The following NTRK2 variants were observed in gnomAD, a reference collection of about 807,000 sequenced individuals.
The protein encoded by NTRK2 is neurotrophic receptor tyrosine kinase 2.
In NTRK2, 13 loss-of-function variants were observed where a neutral mutation model predicts 94.5. The observed-to-expected ratio is 0.14, with a 90% CI of 0.09 to 0.22. NTRK2 has a LOEUF of 0.22. NTRK2 is among the 10% of genes least tolerant of loss of function. The probability of loss-of-function intolerance (pLI) is 1.00; values close to 1 mark genes in which losing one functional copy is unlikely to be tolerated. For synonymous variants in NTRK2, 372 were observed against 407.4 expected (o/e 0.91, Z 1.05); for missense variants, 639 against 1,071.2 (o/e 0.60, Z 5.63).
At chr9:84,721,253 G>T (rs1407526515) in intron 6 of NTRK2, among the ~76,000 whole-genome samples, 2 of 151,352 alleles carry the variant, frequency 1.3e-5, no homozygotes, top group Non-Finnish European at 2.9e-5. Flanking sequence ...TTGGCTCACT[G>T]CAAGCTCCGC....
At chr9:84,918,824 C>T (rs927517539) in intron 14 of NTRK2, among the ~76,000 whole-genome samples, 1 of 152,162 alleles carries the variant, frequency 6.6e-6, no homozygotes, top group Admixed American at 6.5e-5. Flanking sequence ...TAATCTAGAA[C>T]TTCATGATAA....
intron 12 of NTRK2, among the ~76,000 whole-genome samples, chr9:84,827,115 T>C (rs568396755): frequency 1.3e-5 from 2 of 152,354 alleles, no homozygotes; most frequent in South Asian, 4.1e-4. Context: ...TTCACTTCAA[T>C]GGTCCACATA....
At position 84,708,480 on chromosome 9, in the gene NTRK2, T is replaced by C. The variant is rs960040113; in HGVS notation, c.428+568T>C. On this transcript the variant is annotated intron_variant, in intron 5 of 18. Coordinates refer to ENST00000277120, the MANE Select transcript of NTRK2 (RefSeq NM_006180.6). Reference sequence around the variant, plus strand: ...CCCATTTTCTTCTGTTGTAAAATGATAGAAAACGTATTGAAAGGTGTTGAT... The same window carrying C: ...CCCATTTTCTTCTGTTGTAAAATGACAGAAAACGTATTGAAAGGTGTTGAT... 6.2e-4 allele frequency among the ~76,000 whole-genome samples: 94 copies of C among 152,330 alleles called. 1 individual carries two copies. Among genetic ancestry groups the C allele is most frequent in the Non-Finnish European group, 7.4e-5 (5 of 68,024 alleles).
At position 85,021,462 on chromosome 9, in the gene NTRK2, T is replaced by C; in HGVS notation, c.*25T>C. On this transcript the variant is annotated 3_prime_UTR_variant, in exon 19 of 19. Transcript: ENST00000277120. ...GGGCCCTTTTCCCCAGACCGATCCT[T>C]CCCAACGTACTCCTCAGACGGGCTG... is the stretch of plus-strand genomic sequence containing the variant. 11 of 1,612,000 alleles carry C rather than the reference T, an allele frequency of 6.8e-6. No individual in the cohort carries two copies. Among genetic ancestry groups the C allele is most frequent in the Non-Finnish European group, 9.3e-6 (11 of 1,178,130 alleles).
intron 14 of NTRK2, among the ~76,000 whole-genome samples, chr9:84,899,693 C>T (rs1170701025): frequency 3.3e-5 from 5 of 152,048 alleles, no homozygotes; most frequent in Non-Finnish European, 7.3e-5. Context: ...TCCTGTTGTT[C>T]ATATTGGGGT....
At chr9:84,923,216 G>T (rs1046531478) in intron 14 of NTRK2, among the ~76,000 whole-genome samples, 3 of 152,112 alleles carry the variant, frequency 2.0e-5, no homozygotes, top group Admixed American at 6.5e-5. Context: ...TTGAGCACTT[G>T]CTCCTTCCTC....
chr9:84,952,207 G>C (rs954527423), intron 16 of NTRK2, among the ~76,000 whole-genome samples: 1 of 152,212 alleles, frequency 6.6e-6, no homozygotes, highest in South Asian at 2.1e-4. Flanking sequence ...ACAGAGCTGA[G>C]ATTCAAACCT....
chr9:84,958,078 G>A (rs546955339), intron 17 of NTRK2, among the ~76,000 whole-genome samples: 4 of 152,198 alleles, frequency 2.6e-5, no homozygotes, highest in Middle Eastern at 3.4e-3. Context: ...AATGGTTACC[G>A]GGAGATGGGG....
In NTRK2 at chr9:84,934,388, G is replaced by A. The variant is rs2078143398; in HGVS notation, c.1764+96G>A. On this transcript the variant is annotated intron_variant, in intron 15 of 18. Transcript: ENST00000277120. ...TTATATTTTGGTGGCCAATGCAGGA[G>A]TAAATTGTTCCTGCTATGATGGATG... is the stretch of plus-strand genomic sequence containing the variant. 9.8e-6 allele frequency: 13 copies of A among 1,320,112 alleles called. No homozygotes were observed. The East Asian group carries it at 3.1e-4, about 32-fold the overall frequency. The allele number at this position is 1,320,112 out of a possible 1,614,324, so 81.8% of individuals were successfully genotyped here.
At chr9:85,018,017 AT>A (rs370393123) in intron 17 of NTRK2, among the ~76,000 whole-genome samples, 51 of 150,286 alleles carry the variant, frequency 3.4e-4, no homozygotes, top group African/African-American at 1.0e-3. Flanking sequence ...CATCTTACCC[AT>A]TTTTTTTTGC....
At chr9:84,815,990 T>TAAAAAAAA (rs34917078) in intron 12 of NTRK2, among the ~76,000 whole-genome samples, 1 of 139,138 alleles carries the variant, frequency 7.2e-6, no homozygotes, top group African/African-American at 2.8e-5. Context: ...AGGCAATCCT[T>TAAAAAAAA]AAAAAAAAAA....
chr9:84,792,442 C>T (rs1156662271), intron 12 of NTRK2, among the ~76,000 whole-genome samples: 2 of 152,184 alleles, frequency 1.3e-5, no homozygotes, highest in Non-Finnish European at 2.9e-5. Flanking sequence ...CTGAAGGTCA[C>T]AAAGTTAGAA....
upstream of NTRK2, chr9:84,669,372 G>C (rs2058554497): frequency 6.5e-6 from 1 of 152,688 alleles, no homozygotes; most frequent in Non-Finnish European, 1.5e-5. This position sits in a 1 kb window ranked among gnomAD's most constrained non-coding sequence, Gnocchi z 4.1. Context: ...AGAGACTGTG[G>C]TGTGAATTAG....
At chr9:84,760,617 T>G (rs1404886354) in intron 12 of NTRK2, among the ~76,000 whole-genome samples, 1 of 152,268 alleles carries the variant, frequency 6.6e-6, no homozygotes, top group Non-Finnish European at 1.5e-5. Flanking sequence ...TTCTTAATTT[T>G]ATTGTCCTCT....
chr9:84,937,306 C>A (rs2078245048), intron 15 of NTRK2, among the ~76,000 whole-genome samples: 1 of 152,216 alleles, frequency 6.6e-6, no homozygotes, highest in Non-Finnish European at 1.5e-5. Flanking sequence ...TGTTGCTTAG[C>A]AACCCCTGCT....
chr9:84,723,824 T>A, intron 7 of NTRK2, 115 bp downstream of exon 7: 2 of 1,401,542 alleles, frequency 1.4e-6, no homozygotes, highest in Non-Finnish European at 2.0e-6. Flanking sequence ...ATATAGAAAT[T>A]TACAAAGAGT....
chr9:84,812,101 T>C (rs2071870405), intron 12 of NTRK2: 1 of 1,059,950 alleles, frequency 9.4e-7, no homozygotes, highest in Admixed American at 5.4e-5. Context: ...CAATTTAGCT[T>C]TAAGGTTCTA....
At chr9:84,794,863 T>C (rs2069120854) in intron 12 of NTRK2, among the ~76,000 whole-genome samples, 3 of 152,170 alleles carry the variant, frequency 2.0e-5, no homozygotes. Flanking sequence ...CACCTCTCTA[T>C]ATTTGGTAAG....
At chr9:84,987,410 G>T (rs1035200624) in intron 17 of NTRK2, among the ~76,000 whole-genome samples, 1 of 152,008 alleles carries the variant, frequency 6.6e-6, no homozygotes, top group Admixed American at 6.5e-5. Context: ...TGCACAAAGG[G>T]GATCACTGGT....
Sources: allele counts gnomAD v4.1 joint callset (sites outside exome capture counted in the v4.1 genomes callset), GRCh38; gene constraint gnomAD v4.1.1; non-coding constraint Gnocchi (gnomAD v3.1); transcripts MANE v1.5; gene names NCBI Gene and HGNC (gene_info 2026-07-23, HGNC 2026-07-21).